Variants in TRPM2 observed in about 807,000 individuals in gnomAD.
TRPM2 encodes the protein estrogen-responsive element-associated gene 1 protein.
In TRPM2, 161 loss-of-function variants were observed where a neutral mutation model predicts 174.0. The observed-to-expected ratio is 0.93, with a 90% CI of 0.81 to 1.05. The LOEUF is 1.05. Ranked by LOEUF, TRPM2 falls within the 50% of genes least tolerant of loss-of-function variation. The pLI is 0.00. For synonymous variants in TRPM2, 954 were observed against 861.3 expected (o/e 1.11, Z -1.88); for missense variants, 2,057 against 2,038.0 (o/e 1.01, Z -0.18).
At chr21:44,383,631 T>C (rs990113653) in intron 9 of TRPM2, among the ~76,000 whole-genome samples, 7 of 152,360 alleles carry the variant, frequency 4.6e-5, no homozygotes, top group Middle Eastern at 3.4e-3. Context: ...AGCCTTAATT[T>C]ATCTCTCAAT....
In TRPM2 at chr21:44,376,045, CAG is replaced by C; in HGVS notation, c.952+37_952+38del. On this transcript the variant is annotated intron_variant, in intron 6 of 31. Coordinates refer to ENST00000397928, the MANE Select transcript of TRPM2 (RefSeq NM_003307.4). The surrounding 1 kb of genome is among the most constrained non-coding windows in gnomAD (Gnocchi z 4.2). Reference sequence around the variant, plus strand: ...GAGCTTGCTTTCGAGGGTGATTGGGCAGAGAGCACAGTGGGCTGGTCAGAGTG... The same window carrying C: ...GAGCTTGCTTTCGAGGGTGATTGGGCAGAGCACAGTGGGCTGGTCAGAGTG... 1 of 1,602,872 alleles carries C rather than the reference CAG, an allele frequency of 6.2e-7. No individual in the cohort carries two copies. Among genetic ancestry groups the C allele is most frequent in the Non-Finnish European group, 8.5e-7 (1 of 1,172,586 alleles).
At position 44,377,703 on chromosome 21, in the gene TRPM2, T is replaced by A. The variant is rs1218024250; in HGVS notation, c.953-9T>A. The A allele has an allele frequency of 2.1e-5, 34 of 1,613,912 alleles. No individual in the cohort carries two copies. Among genetic ancestry groups the A allele is most frequent in the Non-Finnish European group, 2.5e-5 (30 of 1,180,012 alleles). ...GTGTGGCCCTCACTCGGCTGTGTGC[T>A]TTTTCTAGGTGTGGCCATCAAGATC... On this transcript the variant is annotated splice_polypyrimidine_tract_variant and intron_variant, in intron 6 of 31. Coordinates refer to ENST00000397928, the MANE Select transcript of TRPM2 (RefSeq NM_003307.4).
chr21:44,416,613 T>C (rs147853532), intron 20 of TRPM2: 3 of 186,344 alleles, frequency 1.6e-5, no homozygotes, highest in East Asian at 3.7e-4. Flanking sequence ...GTGAGGCTTA[T>C]AATATCGAAA....
At chr21:44,400,577 C>T (rs1279552131) in intron 15 of TRPM2, among the ~76,000 whole-genome samples, 1 of 152,252 alleles carries the variant, frequency 6.6e-6, no homozygotes, top group Admixed American at 6.5e-5. Flanking sequence ...GCCCCAGCCC[C>T]AGCACTGATC....
chr21:44,382,350 G>A (rs879927990), intron 8 of TRPM2, among the ~76,000 whole-genome samples: 3 of 147,570 alleles, frequency 2.0e-5, no homozygotes, highest in Non-Finnish European at 4.4e-5. Flanking sequence ...CTGATCGATC[G>A]ACAGACAGAC....
chr21:44,388,826 C>A (rs1602192404), intron 9 of TRPM2, among the ~76,000 whole-genome samples: 1 of 151,994 alleles, frequency 6.6e-6, no homozygotes. Flanking sequence ...CAGAGGAAGA[C>A]CCTGTCTCAA....
chr21:44,369,824 GGGGA>G (rs2048475946), intron 5 of TRPM2, among the ~76,000 whole-genome samples: 1 of 25,086 alleles, frequency 4.0e-5, no homozygotes, highest in African/African-American at 2.0e-4. Context: ...CGGGTGCTGC[GGGGA>G]GCAGGTGGAG....
Position 44,391,603 on chromosome 21 carries a change from C to T in TRPM2, c.1772C>T (p.Pro591Leu). The T allele has an allele frequency of 1.3e-6, 2 of 1,581,466 alleles. No individual in the cohort carries two copies. Among genetic ancestry groups the T allele is most frequent in the Non-Finnish European group, 1.7e-6 (2 of 1,170,466 alleles). Residue 591 changes from proline to leucine, a missense_variant, in exon 11 of 32, where the codon CCC becomes CTC. Pro to Leu is a moderately conservative substitution (Grantham distance 98, BLOSUM62 -3). Coordinates refer to ENST00000397928, the MANE Select transcript of TRPM2 (RefSeq NM_003307.4). The surrounding 1 kb of genome is among the most constrained non-coding windows in gnomAD (Gnocchi z 5.0). ...RHNDRLRLLL[P>L]VPHVKLNVQG... ...AACGACCGGCTGCGGCTCCTGCTGCCCGTTCCCCACGTCAAGCTCAACGTG... is the reference window on the plus strand; with the variant it reads ...AACGACCGGCTGCGGCTCCTGCTGCTCGTTCCCCACGTCAAGCTCAACGTG...
rs544007386 is a variant in TRPM2 at position 44,417,856 on chromosome 21, G to C, written c.3147-71G>C. 3 of 1,508,072 alleles carry C rather than the reference G, an allele frequency of 2.0e-6. No individual in the cohort carries two copies. The South Asian group carries it at 3.7e-5, about 18-fold the overall frequency. The allele number at this position is 1,508,072 out of a possible 1,614,324, so 93.4% of individuals were successfully genotyped here. A position where few individuals can be genotyped will look rare whatever the true frequency, so the allele number is the denominator to read the frequency against. On this transcript the variant is annotated intron_variant, in intron 20 of 31. Coordinates refer to ENST00000397928, the MANE Select transcript of TRPM2 (RefSeq NM_003307.4). The stretch of plus-strand genomic sequence containing the variant: ...CTCTCTGTGGCATCACAGTGGGCAC[G>C]CAGGCGGTGAGAGGGGTCTGTTCTG...
chr21:44,357,855 C>T (rs966996000), intron 2 of TRPM2, among the ~76,000 whole-genome samples: 2 of 152,166 alleles, frequency 1.3e-5, no homozygotes, highest in South Asian at 2.1e-4. Flanking sequence ...GAGTCTGTCC[C>T]GCACAGAAGC....
At chr21:44,441,651 A>G in intron 31 of TRPM2, 41 bp from the exon 32 acceptor site, 1 of 1,578,632 alleles carries the variant, frequency 6.3e-7, no homozygotes, top group African/African-American at 1.3e-5. Flanking sequence ...GGGCAGAGGC[A>G]GGGCTGGCGG....
At chr21:44,373,547 A>G (rs115564227) in intron 5 of TRPM2, among the ~76,000 whole-genome samples, 1,041 of 102,172 alleles carry the variant, frequency 0.01, 13 homozygotes, top group African/African-American at 0.031. Flanking sequence ...TTTCTGCATT[A>G]TATGCGACCT....
rs1473695446 is a variant in TRPM2, at chr21:44,425,564, G to GT, written c.3638-106_3638-105insT. 2.3e-6 allele frequency: 3 copies of GT among 1,321,872 alleles called. No individual in the cohort carries two copies. In the African/African-American group the frequency reaches 4.5e-5, roughly 20 times the overall value. 81.9% of individuals were successfully genotyped at this position (1,321,872 alleles called of 1,614,324 possible). ...GCCATTTGGGCTCGGGGAGGTGGAG[G>GT]AGCCCAGATGTTTTGGCGGAAGGAC... On this transcript the variant is annotated intron_variant, in intron 24 of 31. Transcript: ENST00000397928.
intron 19 of TRPM2, among the ~76,000 whole-genome samples, chr21:44,408,102 C>G (rs1429915825): frequency 6.6e-6 from 1 of 151,746 alleles, no homozygotes; most frequent in African/African-American, 2.4e-5. Context: ...CCTGCTACCA[C>G]GCTTGGCTAA....
intron 5 of TRPM2, among the ~76,000 whole-genome samples, chr21:44,370,728 A>G (rs928963040): frequency 5.9e-5 from 9 of 152,170 alleles, no homozygotes; most frequent in East Asian, 1.9e-4. Flanking sequence ...CGTCAGAATC[A>G]TGAATGTGTC....
chr21:44,353,970 C>A, intron 1 of TRPM2, 105 bp downstream of exon 1: 1 of 1,402,974 alleles, frequency 7.1e-7, no homozygotes, highest in Non-Finnish European at 9.5e-7. Context: ...AAAGGGTCTG[C>A]TGACCTTGGG....
Position 44,441,487 on chromosome 21 carries a change from A to G in TRPM2, c.4387-205A>G, listed in dbSNP as rs45626035. On this transcript the variant is annotated intron_variant, in intron 31 of 31. Coordinates refer to ENST00000397928, the MANE Select transcript of TRPM2 (RefSeq NM_003307.4). The stretch of plus-strand genomic sequence containing the variant: ...GCTAAATAGCTCCCGGCAAAGCTGC[A>G]CCTGCATCTTCTTCCCCTGAAGGAT... 9.3e-3 allele frequency among the ~76,000 whole-genome samples: 1,423 copies of G among 152,292 alleles called. 19 individuals carry two copies. Among genetic ancestry groups the G allele is most frequent in the African/African-American group, 0.032 (1,330 of 41,556 alleles).
chr21:44,359,757 A>ATACATATATATGTATATATATATATATT (rs373833142), intron 2 of TRPM2, among the ~76,000 whole-genome samples: 1 of 148,026 alleles, frequency 6.8e-6, no homozygotes, highest in Non-Finnish European at 1.5e-5. Context: ...ATATATATAT[A>ATACATATATATGTATATATATATATATT]TTTTTTTTGA....
Position 44,406,724 on chromosome 21 carries a change from C to G in TRPM2, c.2921C>G (p.Ser974Cys). 6 of 1,608,224 alleles carry G rather than the reference C, an allele frequency of 3.7e-6. No homozygotes were observed. The highest frequency in any genetic ancestry group is 4.2e-6 in the Non-Finnish European group (5 of 1,178,906). ...CTGTTCCGAGGGGCCGTCTACCACTCCTACCTCACCATCTTCGGGCAGATC... is the reference window on the plus strand; with the variant it reads ...CTGTTCCGAGGGGCCGTCTACCACTGCTACCTCACCATCTTCGGGCAGATC... ...DWLFRGAVYH[S>C]YLTIFGQIPG... Residue 974 changes from serine to cysteine, a missense_variant, in exon 19 of 32, where the codon TCC becomes TGC. Physicochemically the swap from Ser to Cys is moderately radical, Grantham distance 112. Coordinates refer to ENST00000397928, the MANE Select transcript of TRPM2 (RefSeq NM_003307.4).
Sources: allele counts gnomAD v4.1 joint callset (sites outside exome capture counted in the v4.1 genomes callset), GRCh38; gene constraint gnomAD v4.1.1; non-coding constraint Gnocchi (gnomAD v3.1); transcripts MANE v1.5; gene names NCBI Gene and HGNC (gene_info 2026-07-23, HGNC 2026-07-21).